The following PIP5K1B variants were observed in gnomAD, a reference collection of about 807,000 sequenced individuals.
PIP5K1B encodes the protein phosphatidylinositol 4-phosphate 5-kinase type-1 beta.
PIP5K1B carries 42 observed loss-of-function variants against 67.0 expected under a neutral mutation model. The ratio of observed to expected loss-of-function variants is 0.63; its 90% CI spans 0.49 to 0.81. The LOEUF (loss-of-function observed/expected upper bound fraction) is 0.81, where lower values mean the gene tolerates loss of function less well. PIP5K1B is among the 30% of genes least tolerant of loss of function. The pLI, the probability that PIP5K1B is intolerant of heterozygous loss-of-function variation, is 0.00. For missense variants in PIP5K1B, 459 were observed against 646.3 expected (o/e 0.71, Z 3.14); for synonymous variants, 214 against 231.4 (o/e 0.92, Z 0.68).
chr9:68,929,445 G>C (rs1316354655), intron 12 of PIP5K1B, among the ~76,000 whole-genome samples: 1 of 151,956 alleles, frequency 6.6e-6, no homozygotes, highest in Admixed American at 6.6e-5. Context: ...CCTCCTCAAC[G>C]ATCTGTCTCT....
At chr9:68,891,043 T>C (rs1824755179) in intron 7 of PIP5K1B, among the ~76,000 whole-genome samples, 1 of 152,082 alleles carries the variant, frequency 6.6e-6, no homozygotes, top group Admixed American at 6.6e-5. Context: ...AGCCCAGGTG[T>C]TCAAGTCCAG....
At chr9:68,869,839 TAAAA>T (rs1193129954) in intron 5 of PIP5K1B, among the ~76,000 whole-genome samples, 1 of 151,934 alleles carries the variant, frequency 6.6e-6, no homozygotes, top group Non-Finnish European at 1.5e-5. Context: ...TAAAAATAAA[TAAAA>T]AAGAAAAAGA....
chr9:68,972,883 C>G (rs919816662), intron 14 of PIP5K1B, among the ~76,000 whole-genome samples: 3 of 152,146 alleles, frequency 2.0e-5, no homozygotes. Context: ...CCAAATGCTC[C>G]AGGGACCAGG....
intron 3 of PIP5K1B, chr9:68,822,405 C>A: frequency 2.1e-6 from 1 of 466,578 alleles, no homozygotes; most frequent in South Asian, 3.8e-5. Context: ...AAATATATTA[C>A]GAAAATGTTT....
At chr9:68,890,028 A>G (rs1824697835) in intron 7 of PIP5K1B, among the ~76,000 whole-genome samples, 1 of 152,158 alleles carries the variant, frequency 6.6e-6, no homozygotes, top group East Asian at 1.9e-4. Flanking sequence ...AGATAAATTA[A>G]GTAACTTGCC....
At chr9:68,750,871 T>C (rs955145663) in intron 2 of PIP5K1B, among the ~76,000 whole-genome samples, 6 of 152,162 alleles carry the variant, frequency 3.9e-5, no homozygotes, top group Non-Finnish European at 7.4e-5. Flanking sequence ...GAAAATATCT[T>C]TGACATGGAT....
chr9:68,764,074 C>CTTTTTTTTTTTTT (rs72304177), intron 2 of PIP5K1B, among the ~76,000 whole-genome samples: 2 of 73,516 alleles, frequency 2.7e-5, no homozygotes, highest in African/African-American at 1.1e-4. Flanking sequence ...ACTATAACTT[C>CTTTTTTTTTTTTT]TTTTTTTTTT....
At chr9:68,728,302 T>G (rs183825942) in intron 1 of PIP5K1B, among the ~76,000 whole-genome samples, 4 of 152,278 alleles carry the variant, frequency 2.6e-5, no homozygotes, top group Non-Finnish European at 4.4e-5. Context: ...GCTCACTTTA[T>G]GGTTTACAGA....
chr9:68,779,932 C>A (rs1172325505), intron 2 of PIP5K1B: 1 of 476,752 alleles, frequency 2.1e-6, no homozygotes, highest in Non-Finnish European at 3.6e-6. Flanking sequence ...TACGGACTAG[C>A]GGCCCGACCA....
intron 4 of PIP5K1B, among the ~76,000 whole-genome samples, chr9:68,831,205 T>C (rs1313599277): frequency 6.6e-6 from 1 of 152,206 alleles, no homozygotes; most frequent in East Asian, 1.9e-4. Flanking sequence ...TGTTATCAAA[T>C]ATATTGAGTT....
intron 2 of PIP5K1B, among the ~76,000 whole-genome samples, chr9:68,767,495 G>A (rs1265822947): frequency 6.6e-6 from 1 of 151,776 alleles, no homozygotes; most frequent in Non-Finnish European, 1.5e-5. Flanking sequence ...TCGGGAGGCT[G>A]AGGCAGGGGA....
chr9:68,872,887 G>A (rs72720047), intron 5 of PIP5K1B, among the ~76,000 whole-genome samples: 5,951 of 152,186 alleles, frequency 0.039, 173 homozygotes, highest in South Asian at 0.082. Flanking sequence ...AATTAGACAA[G>A]TTCTCTCCTG....
At chr9:68,717,224 C>T (rs1313958434) in intron 1 of PIP5K1B, among the ~76,000 whole-genome samples, 2 of 152,130 alleles carry the variant, frequency 1.3e-5, no homozygotes, top group Non-Finnish European at 2.9e-5. Flanking sequence ...TGTGTAACCC[C>T]TGAATCTAAA....
intron 5 of PIP5K1B, among the ~76,000 whole-genome samples, chr9:68,874,243 C>T (rs989216264): frequency 2.6e-5 from 4 of 152,216 alleles, no homozygotes; most frequent in African/African-American, 7.2e-5. Flanking sequence ...TTGGCCCATA[C>T]TTCTCCATGT....
chr9:68,963,580 C>G (rs191539457), intron 14 of PIP5K1B, among the ~76,000 whole-genome samples: 1 of 151,980 alleles, frequency 6.6e-6, no homozygotes, highest in Admixed American at 6.5e-5. Flanking sequence ...GGTCACATGA[C>G]CCTGTAGTCA....
chr9:68,926,990 A>G (rs992186912), intron 12 of PIP5K1B, among the ~76,000 whole-genome samples: 1 of 152,118 alleles, frequency 6.6e-6, no homozygotes, highest in African/African-American at 2.4e-5. Context: ...TTCTGTCTCT[A>G]TGGTTTTGCC....
intron 1 of PIP5K1B, among the ~76,000 whole-genome samples, chr9:68,712,763 ACT>A (rs1321595333): frequency 6.6e-6 from 1 of 152,250 alleles, no homozygotes; most frequent in African/African-American, 2.4e-5. Flanking sequence ...TTAAGAAAAC[ACT>A]GTCTCTATTT....
intron 2 of PIP5K1B, chr9:68,783,008 C>T (rs1378864288): frequency 6.0e-6 from 1 of 167,072 alleles, no homozygotes; most frequent in Non-Finnish European, 1.5e-5. Context: ...CTATCTGTTG[C>T]CCCTGATTTT....
At chr9:68,798,147 A>G (rs1356374099) in intron 2 of PIP5K1B, among the ~76,000 whole-genome samples, 1 of 152,210 alleles carries the variant, frequency 6.6e-6, no homozygotes, top group East Asian at 1.9e-4. Context: ...AAACTTCCTC[A>G]AAGTATAATG....
Sources: allele counts gnomAD v4.1 joint callset (sites outside exome capture counted in the v4.1 genomes callset), GRCh38; gene constraint gnomAD v4.1.1; transcripts MANE v1.5; gene names NCBI Gene and HGNC (gene_info 2026-07-23, HGNC 2026-07-21).